Variants in SLC16A12 observed in about 807,000 individuals in gnomAD.
SLC16A12 encodes solute carrier family 16 member 12.
SLC16A12 carries 17 observed loss-of-function variants against 42.4 expected under a neutral mutation model. The ratio of observed to expected loss-of-function variants is 0.40; its 90% CI spans 0.27 to 0.60. The LOEUF (loss-of-function observed/expected upper bound fraction) is 0.60, where lower values mean the gene tolerates loss of function less well. Ranked by LOEUF, SLC16A12 falls within the 20% of genes least tolerant of loss-of-function variation. The pLI is 0.42. For synonymous variants in SLC16A12, 224 were observed against 229.4 expected, an observed-to-expected ratio of 0.98 and a Z score of 0.21; for missense variants, 544 against 623.0, an observed-to-expected ratio of 0.87 and a Z score of 1.35.
At chr10:89,554,197 C>A (rs1843794645) in intron 2 of SLC16A12, among the ~76,000 whole-genome samples, 1 of 151,920 alleles carries the variant, frequency 6.6e-6, no homozygotes, top group South Asian at 2.1e-4. Context: ...TTTCTGGCTT[C>A]TCTTGAAAAA....
At chr10:89,472,521 C>A (rs1226770228) in intron 2 of SLC16A12, among the ~76,000 whole-genome samples, 2 of 93,812 alleles carry the variant, frequency 2.1e-5, no homozygotes, top group Non-Finnish European at 3.8e-5. Context: ...GAGATGGAGT[C>A]TTGCTGTGTT....
intron 3 of SLC16A12, among the ~76,000 whole-genome samples, chr10:89,449,377 C>A (rs984723442): frequency 1.3e-5 from 2 of 152,112 alleles, no homozygotes; most frequent in African/African-American, 4.8e-5. Flanking sequence ...GCTACAGTAA[C>A]CAAAGCAGCA....
intron 2 of SLC16A12, among the ~76,000 whole-genome samples, chr10:89,490,542 A>G (rs1842829557): frequency 6.6e-6 from 1 of 152,136 alleles, no homozygotes; most frequent in African/African-American, 2.4e-5. Context: ...ACTTATGTTT[A>G]CTGGTATATT....
intron 2 of SLC16A12, among the ~76,000 whole-genome samples, chr10:89,529,180 G>A (rs1231187827): frequency 6.6e-6 from 1 of 152,014 alleles, no homozygotes; most frequent in African/African-American, 2.4e-5. Flanking sequence ...TGAAGTTACA[G>A]GTTCAGAGAG....
intron 2 of SLC16A12, among the ~76,000 whole-genome samples, chr10:89,498,262 G>T (rs1391965651): frequency 2.0e-5 from 3 of 152,142 alleles, no homozygotes; most frequent in African/African-American, 7.2e-5. Context: ...AGCCCAGAAG[G>T]TCAAGGCTGT....
At chr10:89,496,802 G>A (rs1589706462) in intron 2 of SLC16A12, among the ~76,000 whole-genome samples, 1 of 152,070 alleles carries the variant, frequency 6.6e-6, no homozygotes, top group Non-Finnish European at 1.5e-5. Flanking sequence ...AATTTCAAAA[G>A]ACGTTATTAA....
chr10:89,475,902 T>C (rs1050618001), intron 2 of SLC16A12, among the ~76,000 whole-genome samples: 5 of 152,194 alleles, frequency 3.3e-5, no homozygotes, highest in African/African-American at 9.6e-5. Context: ...TCCCACCCTT[T>C]CAGTTCCTAA....
intron 2 of SLC16A12, among the ~76,000 whole-genome samples, chr10:89,476,242 G>T (rs1842576506): frequency 6.6e-6 from 1 of 152,056 alleles, no homozygotes; most frequent in African/African-American, 2.4e-5. Context: ...GCATTTCACA[G>T]AGTCTTTTTG....
chr10:89,541,541 C>T (rs974822472), intron 2 of SLC16A12, among the ~76,000 whole-genome samples: 2 of 152,236 alleles, frequency 1.3e-5, no homozygotes, highest in Admixed American at 1.3e-4. Context: ...AGGCTGTTAT[C>T]GTGTTACAGC....
At chr10:89,520,720 C>CAAAAA (rs10712043) in intron 2 of SLC16A12, among the ~76,000 whole-genome samples, 91 of 100,076 alleles carry the variant, frequency 9.1e-4, no homozygotes, top group African/African-American at 1.9e-3. Context: ...TCACATAGGC[C>CAAAAA]AAAAAAAAAA....
intron 2 of SLC16A12, among the ~76,000 whole-genome samples, chr10:89,489,864 G>C (rs1015373038): frequency 6.6e-6 from 1 of 152,088 alleles, no homozygotes; most frequent in African/African-American, 2.4e-5. Flanking sequence ...ATGCTGACTG[G>C]TTCCTAAAGA....
intron 2 of SLC16A12, among the ~76,000 whole-genome samples, chr10:89,479,463 A>G (rs1320599248): frequency 6.6e-6 from 1 of 152,216 alleles, no homozygotes; most frequent in Non-Finnish European, 1.5e-5. Context: ...TTTCATGAGC[A>G]AAGTATTGCA....
intron 2 of SLC16A12, among the ~76,000 whole-genome samples, chr10:89,492,525 G>T (rs1691646694): frequency 6.6e-6 from 1 of 151,996 alleles, no homozygotes; most frequent in African/African-American, 2.4e-5. Flanking sequence ...AGGCACCTGA[G>T]GTCAGGAGTT....
At chr10:89,452,275 G>A (rs778414999) in intron 3 of SLC16A12, among the ~76,000 whole-genome samples, 1 of 152,082 alleles carries the variant, frequency 6.6e-6, no homozygotes, top group African/African-American at 2.4e-5. Flanking sequence ...TTTTGTGCAG[G>A]GTTTCTACTG....
chr10:89,443,925 A>G (rs1012150716), intron 3 of SLC16A12, 66 bp from the exon 4 acceptor site: 1 of 1,047,900 alleles, frequency 9.5e-7, no homozygotes, highest in African/African-American at 1.6e-5. Flanking sequence ...CCAGAACTTA[A>G]AATGTTTGGT....
intron 2 of SLC16A12, among the ~76,000 whole-genome samples, chr10:89,502,834 A>T (rs891760008): frequency 2.0e-5 from 3 of 152,210 alleles, no homozygotes; most frequent in Admixed American, 2.0e-4. Context: ...CCCCAACTTC[A>T]TGTCAACTAG....
At chr10:89,537,696 G>T (rs1422467985), upstream of SLC16A12, among the ~76,000 whole-genome samples, 1 of 152,122 alleles carries the variant, frequency 6.6e-6, no homozygotes, top group Non-Finnish European at 1.5e-5. Context: ...GTTAAACATT[G>T]CTTTGGGTGG....
chr10:89,498,758 T>G (rs900638264), intron 2 of SLC16A12, among the ~76,000 whole-genome samples: 1 of 152,164 alleles, frequency 6.6e-6, no homozygotes, highest in Non-Finnish European at 1.5e-5. Flanking sequence ...CCAAATACTG[T>G]GGTGGTATCC....
intron 2 of SLC16A12, among the ~76,000 whole-genome samples, chr10:89,501,336 A>G (rs983786326): frequency 3.3e-5 from 5 of 152,210 alleles, no homozygotes; most frequent in African/African-American, 1.2e-4. Context: ...AAAACAGTCC[A>G]CATAGCCAAA....
Sources: allele counts gnomAD v4.1 joint callset (sites outside exome capture counted in the v4.1 genomes callset), GRCh38; gene constraint gnomAD v4.1.1; transcripts MANE v1.5; gene names NCBI Gene and HGNC (gene_info 2026-07-23, HGNC 2026-07-21).